LPP: variants seen among roughly 807,000 people sequenced by gnomAD.
The protein encoded by LPP is LIM domain containing preferred translocation partner in lipoma, also known as lipoma-preferred partner.
Under a neutral mutation model 60.4 loss-of-function variants are expected in LPP, and 38 were observed. The ratio of observed to expected loss-of-function variants is 0.63; its 90% CI spans 0.49 to 0.83. The LOEUF (loss-of-function observed/expected upper bound fraction) is 0.83, where lower values mean the gene tolerates loss of function less well. Among genes scored for constraint, LPP ranks in the 40% least tolerant of loss-of-function variants. LPP has a pLI of 0.00. For synonymous variants in LPP, 328 were observed against 290.8 expected, an observed-to-expected ratio of 1.13 and a Z score of -1.30; for missense variants, 902 against 783.6, an observed-to-expected ratio of 1.15 and a Z score of -1.80.
intron 8 of LPP, among the ~76,000 whole-genome samples, chr3:188,752,380 CT>C (rs1728383913): frequency 6.6e-6 from 1 of 152,294 alleles, no homozygotes; most frequent in African/African-American, 2.4e-5. Flanking sequence ...ATTTAGGAAA[CT>C]TGTCTAGGCT....
intron 1 of LPP, among the ~76,000 whole-genome samples, chr3:188,155,588 G>A (rs919426255): frequency 6.6e-6 from 1 of 152,210 alleles, no homozygotes; most frequent in Admixed American, 6.5e-5. Flanking sequence ...ACGAAGGTGG[G>A]TGCTAGACCT....
At chr3:188,702,602 A>G (rs1466290217) in intron 7 of LPP, among the ~76,000 whole-genome samples, 1 of 152,186 alleles carries the variant, frequency 6.6e-6, no homozygotes, top group African/African-American at 2.4e-5. Context: ...ATGTTAAGAC[A>G]ATTTTGACGG....
chr3:188,348,284 T>TTACAGGCATGAC (rs1332801110), intron 3 of LPP, among the ~76,000 whole-genome samples: 1 of 152,090 alleles, frequency 6.6e-6, no homozygotes, highest in Admixed American at 6.5e-5. Flanking sequence ...GTAGCTGGGA[T>TTACAGGCATGAC]TACAGGCATG....
intron 5 of LPP, among the ~76,000 whole-genome samples, chr3:188,506,545 G>T (rs112240883): frequency 4.6e-5 from 7 of 152,076 alleles, no homozygotes; most frequent in African/African-American, 1.7e-4. Context: ...ATCACAAATC[G>T]TAGAGCACCA....
intron 6 of LPP, among the ~76,000 whole-genome samples, chr3:188,547,832 CAG>C (rs1234209522): frequency 6.6e-6 from 1 of 152,100 alleles, no homozygotes; most frequent in Non-Finnish European, 1.5e-5. Context: ...TATAAAATGG[CAG>C]AGTTTGAGGT....
intron 1 of LPP, among the ~76,000 whole-genome samples, chr3:188,166,645 A>G (rs1349098113): frequency 1.3e-5 from 2 of 152,228 alleles, no homozygotes; most frequent in Non-Finnish European, 2.9e-5. Flanking sequence ...AGCAAGTTAA[A>G]CATTGAACCA....
At chr3:188,203,502 A>AAT (rs1302582720) in intron 1 of LPP, among the ~76,000 whole-genome samples, 8 of 61,992 alleles carry the variant, frequency 1.3e-4, no homozygotes, top group Admixed American at 3.2e-4. Context: ...AATATATATA[A>AAT]ATATATATAT....
intron 1 of LPP, chr3:188,179,471 C>T: frequency 2.2e-6 from 1 of 457,920 alleles, no homozygotes; most frequent in Non-Finnish European, 4.4e-6. Context: ...TCCTTCCCTT[C>T]TGGGGCGCCC....
At chr3:188,381,880 C>T (rs1776994972) in intron 3 of LPP, among the ~76,000 whole-genome samples, 1 of 151,948 alleles carries the variant, frequency 6.6e-6, no homozygotes, top group African/African-American at 2.4e-5. Context: ...GTTCCAGACT[C>T]AAGCTATCCT....
chr3:188,512,589 A>AAAT (rs1816112443), intron 5 of LPP, among the ~76,000 whole-genome samples: 1 of 151,514 alleles, frequency 6.6e-6, no homozygotes, highest in Admixed American at 6.6e-5. Flanking sequence ...ATAAATAAAT[A>AAAT]AATAAAGTTC....
At chr3:188,362,301 C>A (rs1170043223) in intron 3 of LPP, among the ~76,000 whole-genome samples, 2 of 152,168 alleles carry the variant, frequency 1.3e-5, no homozygotes, top group Admixed American at 6.5e-5. Context: ...ATGAGAATAT[C>A]TTCTCCAAAG....
chr3:188,755,809 C>CAAAAAAAAAAAAAAAAAAAA (rs58696911), intron 8 of LPP, among the ~76,000 whole-genome samples: 2 of 73,986 alleles, frequency 2.7e-5, no homozygotes, highest in Non-Finnish European at 5.5e-5. Flanking sequence ...GATCCTGTCA[C>CAAAAAAAAAAAAAAAAAAAA]AAAAAAAAAA....
At chr3:188,545,797 A>G (rs1826482433) in intron 6 of LPP, among the ~76,000 whole-genome samples, 1 of 152,146 alleles carries the variant, frequency 6.6e-6, no homozygotes, top group Non-Finnish European at 1.5e-5. Context: ...TTTAGAACTT[A>G]CACAGAGTGT....
intron 3 of LPP, among the ~76,000 whole-genome samples, chr3:188,372,717 A>G (rs1363265597): frequency 6.7e-6 from 1 of 149,264 alleles, no homozygotes; most frequent in African/African-American, 2.5e-5. Flanking sequence ...AAATTTTATT[A>G]TTATTATACT....
intron 6 of LPP, among the ~76,000 whole-genome samples, chr3:188,576,883 G>A (rs1481159293): frequency 6.6e-6 from 1 of 152,156 alleles, no homozygotes; most frequent in East Asian, 1.9e-4. Flanking sequence ...TACATTCTTT[G>A]TTAACTTTTC....
intron 9 of LPP, among the ~76,000 whole-genome samples, chr3:188,815,731 A>G (rs1338659069): frequency 6.6e-6 from 1 of 152,194 alleles, no homozygotes; most frequent in African/African-American, 2.4e-5. Context: ...TGGTCTTCCA[A>G]TGGCATTGTT....
At chr3:188,765,297 AAC>A (rs60149759) in intron 9 of LPP, among the ~76,000 whole-genome samples, 8,144 of 143,930 alleles carry the variant, frequency 0.057, 236 homozygotes, top group African/African-American at 0.088. Context: ...TGTCTCACAC[AAC>A]ACACACACAC....
chr3:188,732,198 C>T (rs138837648), intron 8 of LPP, among the ~76,000 whole-genome samples: 41 of 152,316 alleles, frequency 2.7e-4, no homozygotes, highest in African/African-American at 9.9e-4. Context: ...GCAATAGGTT[C>T]TTCCTGAGTT....
At chr3:188,844,575 GA>G (rs1434148389) in intron 9 of LPP, among the ~76,000 whole-genome samples, 14 of 152,198 alleles carry the variant, frequency 9.2e-5, no homozygotes, top group Admixed American at 8.5e-4. Flanking sequence ...GATTCCAAGG[GA>G]ATTGAGAGGT....
Sources: allele counts gnomAD v4.1 joint callset (sites outside exome capture counted in the v4.1 genomes callset), GRCh38; gene constraint gnomAD v4.1.1; transcripts MANE v1.5; gene names NCBI Gene and HGNC (gene_info 2026-07-23, HGNC 2026-07-21).